Variants in ARHGAP10 observed in about 807,000 individuals in gnomAD.
ARHGAP10 encodes Rho GTPase activating protein 10.
ARHGAP10 carries 87 observed loss-of-function variants against 108.6 expected under a neutral mutation model. That is an observed-to-expected ratio of 0.80 (90% confidence interval 0.67 to 0.96). The LOEUF (loss-of-function observed/expected upper bound fraction) is 0.96. Among genes scored for constraint, ARHGAP10 ranks in the 40% least tolerant of loss-of-function variants. The pLI, the probability that ARHGAP10 is intolerant of heterozygous loss-of-function variation, is 0.00. For synonymous variants in ARHGAP10, 347 were observed against 341.1 expected (o/e 1.02, Z -0.19); for missense variants, 939 against 954.5 (o/e 0.98, Z 0.21).
chr4:147,871,455 A>C lies in ARHGAP10; in HGVS notation c.703-3566A>C, dbSNP rs186123721. 5.3e-5 allele frequency among the ~76,000 whole-genome samples: 8 copies of C among 152,298 alleles called. No individual in the cohort carries two copies. The East Asian group carries it at 1.5e-3, about 29-fold the overall frequency. ...ATAATCAGAAAAAAGTTTTTTAAAGATGTTTTCTCTTTCAATCAGATTTAA... is the reference window on the plus strand; with the variant it reads ...ATAATCAGAAAAAAGTTTTTTAAAGCTGTTTTCTCTTTCAATCAGATTTAA... On this transcript the variant is annotated intron_variant, in intron 7 of 22. Coordinates refer to ENST00000336498, the MANE Select transcript of ARHGAP10 (RefSeq NM_024605.4).
chr4:148,052,392 CTT>C (rs35449374), intron 20 of ARHGAP10, among the ~76,000 whole-genome samples: 42 of 90,680 alleles, frequency 4.6e-4, no homozygotes, highest in African/African-American at 9.3e-4. Context: ...TGCACATTTG[CTT>C]TTTTTTTTTT....
At chr4:147,987,032 G>T (rs370476644) in intron 18 of ARHGAP10, among the ~76,000 whole-genome samples, 1 of 152,136 alleles carries the variant, frequency 6.6e-6, no homozygotes, top group Non-Finnish European at 1.5e-5. Context: ...GGATTATTGC[G>T]GATTGAACTG....
At chr4:147,912,456 G>A (rs530413518) in intron 12 of ARHGAP10, among the ~76,000 whole-genome samples, 23 of 150,666 alleles carry the variant, frequency 1.5e-4, no homozygotes, top group Non-Finnish European at 2.5e-4. Context: ...TGGAAGAATC[G>A]CTTGAACCCA....
chr4:148,012,929 T>C (rs1262636998), intron 18 of ARHGAP10, among the ~76,000 whole-genome samples: 2 of 151,798 alleles, frequency 1.3e-5, no homozygotes, highest in South Asian at 4.1e-4. Flanking sequence ...GTCTGGTTTT[T>C]TTTTTTTTTT....
At chr4:148,061,080 T>C (rs954678288) in intron 20 of ARHGAP10, among the ~76,000 whole-genome samples, 1 of 150,286 alleles carries the variant, frequency 6.7e-6, no homozygotes, top group African/African-American at 2.5e-5. Flanking sequence ...CCCGCGGGTG[T>C]TTTCATGGAG....
At chr4:147,737,986 C>T (rs17023732) in intron 1 of ARHGAP10, among the ~76,000 whole-genome samples, 9,160 of 150,978 alleles carry the variant, frequency 0.061, 572 homozygotes, top group African/African-American at 0.15. Flanking sequence ...GCTGGGGTTC[C>T]TTTGACCAGC....
In ARHGAP10 at chr4:148,001,008, A is replaced by G. The variant is rs191335757; in HGVS notation, c.1717-22255A>G. ...AGACATGAAGTCCTTGCCCATGCCTATGTCCTGAATGGTATTGCCTAGGTT... is the reference window on the plus strand; with the variant it reads ...AGACATGAAGTCCTTGCCCATGCCTGTGTCCTGAATGGTATTGCCTAGGTT... On this transcript the variant is annotated intron_variant, in intron 18 of 22. Transcript: ENST00000336498. Among the ~76,000 whole-genome samples the G allele has an allele frequency of 1.4e-3, 218 of 152,312 alleles. 1 individual carries two copies. The highest frequency in any genetic ancestry group is 4.7e-3 in the African/African-American group (197 of 41,560).
rs368434455 is a variant in ARHGAP10 at position 147,778,100 on chromosome 4, CAG to C, written c.155-44626_155-44625del. 4.8e-3 allele frequency among the ~76,000 whole-genome samples: 735 copies of C among 152,198 alleles called. 4 individuals are homozygous for C. Among genetic ancestry groups the C allele is most frequent in the Non-Finnish European group, 7.6e-3 (514 of 68,002 alleles). ...ATGTAAAAACTACATGGGTTTGTGACAGGGGAGATCCTGCTAGAAGTGTCGGT... is the reference window on the plus strand; with the variant it reads ...ATGTAAAAACTACATGGGTTTGTGACGGGAGATCCTGCTAGAAGTGTCGGT... On this transcript the variant is annotated intron_variant, in intron 1 of 22. Coordinates refer to ENST00000336498, the MANE Select transcript of ARHGAP10 (RefSeq NM_024605.4).
intron 1 of ARHGAP10, among the ~76,000 whole-genome samples, chr4:147,801,407 C>G (rs558227392): frequency 1.5e-4 from 23 of 152,238 alleles, no homozygotes; most frequent in Non-Finnish European, 2.9e-5. Context: ...ATGCTCTGGG[C>G]TTTATAATGT....
intron 14 of ARHGAP10, among the ~76,000 whole-genome samples, chr4:147,943,017 G>C (rs1256119281): frequency 6.6e-6 from 1 of 152,234 alleles, no homozygotes; most frequent in African/African-American, 2.4e-5. Flanking sequence ...GAAAGGCAGG[G>C]AGAAATATCA....
chr4:148,058,890 A>C (rs1217936358), intron 20 of ARHGAP10, among the ~76,000 whole-genome samples: 1 of 152,154 alleles, frequency 6.6e-6, no homozygotes, highest in Admixed American at 6.5e-5. Flanking sequence ...TAAAGAAGAG[A>C]GTTTCCTCAT....
chr4:147,735,606 G>A (rs1728384408), intron 1 of ARHGAP10, among the ~76,000 whole-genome samples: 1 of 152,198 alleles, frequency 6.6e-6, no homozygotes, highest in African/African-American at 2.4e-5. Flanking sequence ...TTATCTTGTG[G>A]AGAGTTACTG....
At chr4:147,785,429 G>T (rs1579044535) in intron 1 of ARHGAP10, among the ~76,000 whole-genome samples, 1 of 152,028 alleles carries the variant, frequency 6.6e-6, no homozygotes, top group Admixed American at 6.6e-5. Flanking sequence ...AAGCTGTATT[G>T]TGCCCGTCAG....
At chr4:147,846,446 A>G (rs1435168047) in intron 3 of ARHGAP10, among the ~76,000 whole-genome samples, 2 of 152,122 alleles carry the variant, frequency 1.3e-5, no homozygotes, top group South Asian at 2.1e-4. Flanking sequence ...GTTACTAAGT[A>G]TGTTTTCTTT....
At chr4:147,858,582 T>G (rs987218771) in intron 5 of ARHGAP10, 1 of 152,244 alleles carries the variant, frequency 6.6e-6, no homozygotes, top group South Asian at 2.1e-4. Context: ...GGATGGCACT[T>G]GACAGTTCAT....
At chr4:147,766,821 TATATATATATA>T (rs1560746941) in intron 1 of ARHGAP10, among the ~76,000 whole-genome samples, 8 of 14,326 alleles carry the variant, frequency 5.6e-4, no homozygotes, top group African/African-American at 6.0e-4. Flanking sequence ...TATATATATA[TATATATATATA>T]TATATATTTA....
intron 4 of ARHGAP10, chr4:147,854,912 T>C (rs1394663632): frequency 1.0e-6 from 1 of 971,788 alleles, no homozygotes; most frequent in African/African-American, 1.8e-5. Context: ...TGTCTCCTTT[T>C]TCTTTCATTC....
At chr4:147,966,618 T>C in intron 17 of ARHGAP10, 62 bp from the exon 18 acceptor site, 1 of 1,430,154 alleles carries the variant, frequency 7.0e-7, no homozygotes, top group Non-Finnish European at 9.4e-7. Flanking sequence ...TTGCAGACTA[T>C]TTACAGTCCA....
At chr4:147,732,912 G>C (rs1331041189) in intron 1 of ARHGAP10, among the ~76,000 whole-genome samples, 1 of 152,188 alleles carries the variant, frequency 6.6e-6, no homozygotes, top group Non-Finnish European at 1.5e-5. Context: ...GAAACCCTGC[G>C]GGAGTGTTGA....
Sources: allele counts gnomAD v4.1 joint callset (sites outside exome capture counted in the v4.1 genomes callset), GRCh38; gene constraint gnomAD v4.1.1; transcripts MANE v1.5; gene names NCBI Gene and HGNC (gene_info 2026-07-23, HGNC 2026-07-21).